SGO2: variants seen among roughly 807,000 people sequenced by gnomAD.
The protein encoded by SGO2 is shugoshin-like 2.
SGO2 carries 68 observed loss-of-function variants against 99.5 expected under a neutral mutation model. That is an observed-to-expected ratio of 0.68 (90% CI 0.56 to 0.84). SGO2 has a LOEUF of 0.84. SGO2 is among the 40% of genes least tolerant of loss of function. The pLI is 0.00. For synonymous variants in SGO2, 457 were observed against 487.1 expected, an observed-to-expected ratio of 0.94 and a Z score of 0.81; for missense variants, 1,350 against 1,436.7, an observed-to-expected ratio of 0.94 and a Z score of 0.97.
chr2:200,540,576 G>A (rs2031917443), intron 4 of SGO2, among the ~76,000 whole-genome samples: 1 of 152,188 alleles, frequency 6.6e-6, no homozygotes, highest in African/African-American at 2.4e-5. Flanking sequence ...AAGGGGGGAG[G>A]TTGTTACTAC....
At position 200,572,270 on chromosome 2, in the gene SGO2, A is replaced by C; in HGVS notation, c.1924A>C (p.Lys642Gln). The change falls in exon 7 of 9, where the codon AAA becomes CAA. Residue 642 changes from lysine (K) to glutamine (Q), a missense_variant. Physicochemically the swap from Lys to Gln is moderately conservative, Grantham distance 53. Coordinates refer to ENST00000357799, the MANE Select transcript of SGO2 (RefSeq NM_152524.6). Reference protein sequence around the residue: ...DNDKDVVHGLKKGNFFFKTQE... With the variant: ...DNDKDVVHGLQKGNFFFKTQE... ...TGATAAAGATGTGGTGCATGGCCTA[A>C]AAAAAGGTAATTTTTTTTTCAAAAC... The C allele has an allele frequency of 6.2e-7, 1 of 1,610,920 alleles. No individual in the cohort carries two copies. Among genetic ancestry groups the C allele is most frequent in the East Asian group, 2.2e-5 (1 of 44,836 alleles).
At chr2:200,534,689 G>T (rs931828491) in intron 2 of SGO2, among the ~76,000 whole-genome samples, 1 of 152,144 alleles carries the variant, frequency 6.6e-6, no homozygotes, top group Non-Finnish European at 1.5e-5. Context: ...CAAGTATCAA[G>T]ATTTAATTTT....
chr2:200,572,875 T>C lies in SGO2; in HGVS notation c.2529T>C (p.Ser843=), dbSNP rs760146513. The part of the protein sequence containing the change: ...VHDLEKDNFF[S]LTPKDKETIS... ...ACCTAGAAAAAGATAACTTCTTCTCTCTAACCCCAAAGGATAAAGAAACAA... is the reference window on the plus strand; with the variant it reads ...ACCTAGAAAAAGATAACTTCTTCTCCCTAACCCCAAAGGATAAAGAAACAA... Residue 843 remains serine, a synonymous_variant, in exon 7 of 9, where the codon TCT becomes TCC. Coordinates refer to ENST00000357799, the MANE Select transcript of SGO2 (RefSeq NM_152524.6). 40 of 1,595,398 alleles carry C rather than the reference T, an allele frequency of 2.5e-5. No homozygotes were observed. The East Asian group carries it at 8.7e-4, about 35-fold the overall frequency.
intron 8 of SGO2, among the ~76,000 whole-genome samples, chr2:200,581,589 C>T (rs751730278): frequency 4.6e-5 from 7 of 152,114 alleles, no homozygotes; most frequent in Non-Finnish European, 7.4e-5. Flanking sequence ...CTATGATGAT[C>T]ATTCCATAAT....
chr2:200,556,467 T>G (rs2032724000), intron 5 of SGO2, among the ~76,000 whole-genome samples: 1 of 152,166 alleles, frequency 6.6e-6, no homozygotes, highest in African/African-American at 2.4e-5. Flanking sequence ...TACATGATAT[T>G]TTCAAGGAGG....
chr2:200,574,897 G>A (rs2033594876), intron 7 of SGO2, among the ~76,000 whole-genome samples: 2 of 150,310 alleles, frequency 1.3e-5, no homozygotes, highest in South Asian at 2.1e-4. Context: ...GATCCCTAAG[G>A]TTTTGGCGGG....
At chr2:200,567,351 T>C (rs1403796823) in intron 5 of SGO2, among the ~76,000 whole-genome samples, 1 of 152,246 alleles carries the variant, frequency 6.6e-6, no homozygotes, top group Non-Finnish European at 1.5e-5. Flanking sequence ...TTTGGCTTCA[T>C]TGATTTTATT....
At position 200,565,912 on chromosome 2, in the gene SGO2, A is replaced by T. The variant is rs563219679; in HGVS notation, c.474-3751A>T. On this transcript the variant is annotated intron_variant, in intron 5 of 8. Transcript: ENST00000357799. Reference sequence around the variant, plus strand: ...TTCTCATGCCATGGTTTTCAGCTCCATCAGGTCATTTAAGGTCTTCTCTAT... The same window carrying T: ...TTCTCATGCCATGGTTTTCAGCTCCTTCAGGTCATTTAAGGTCTTCTCTAT... Among the ~76,000 whole-genome samples the T allele has an allele frequency of 5.3e-5, 8 of 152,324 alleles. No homozygotes were observed. The East Asian group carries it at 1.5e-3, about 29-fold the overall frequency.
chr2:200,578,592 A>T (rs1273495071), intron 8 of SGO2, among the ~76,000 whole-genome samples: 3 of 152,184 alleles, frequency 2.0e-5, no homozygotes, highest in Non-Finnish European at 4.4e-5. Context: ...CTTGTTGACT[A>T]GAGGCTGTCC....
rs2031485580 is a variant in SGO2, at chr2:200,532,940, A to G, written c.-2-34A>G. 4 of 1,589,056 alleles carry G rather than the reference A, an allele frequency of 2.5e-6. No homozygotes were observed. In the East Asian group the frequency reaches 9.0e-5, roughly 36 times the overall value. On this transcript the variant is annotated intron_variant, in intron 1 of 8. Coordinates refer to ENST00000357799, the MANE Select transcript of SGO2 (RefSeq NM_152524.6). ...ATCAGTTATACTTTTTCTTTTATTA[A>G]TCAATACTATGATTTTTTTTTCTTT...
chr2:200,572,485 G>C lies in SGO2; in HGVS notation c.2139G>C (p.Arg713Ser). 6.2e-7 allele frequency: 1 copy of C among 1,612,908 alleles called. No individual in the cohort carries two copies. Among genetic ancestry groups the C allele is most frequent in the African/African-American group, 1.3e-5 (1 of 74,938 alleles). ...QNESKVNKKL[R>S]QKVNRKTEII... ...AATCAAAAGTTAATAAGAAGCTTAG[G>C]CAGAAAGTAAATCGGAAGACAGAAA... Residue 713 changes from arginine (R) to serine (S), a missense_variant, in exon 7 of 9, where the codon AGG (arginine) becomes AGC (serine). By Grantham distance (110) the Arg-to-Ser change is moderately radical. Transcript: ENST00000357799.
rs947338709 is a variant in SGO2, at chr2:200,526,376, C to T, written c.-3+124C>T. 2.0e-5 allele frequency: 3 copies of T among 152,446 alleles called. No homozygotes were observed. The East Asian group carries it at 5.8e-4, about 29-fold the overall frequency. The allele number at this position is 152,446 out of a possible 1,614,324, so 9.4% of individuals were successfully genotyped here. A position where few individuals can be genotyped will look rare whatever the true frequency, so the allele number is the denominator to read the frequency against. On this transcript the variant is annotated intron_variant, in intron 1 of 8. Transcript: ENST00000357799. This position sits in a 1 kb window ranked among gnomAD's most constrained non-coding sequence, Gnocchi z 4.8. ...TCCGGCTCGTCTTCCGCCCTCTGTCCTCCGGGATCCGGGACGGCGGCCCCT... is the reference window on the plus strand; with the variant it reads ...TCCGGCTCGTCTTCCGCCCTCTGTCTTCCGGGATCCGGGACGGCGGCCCCT...
chr2:200,527,077 G>C lies in SGO2; in HGVS notation c.-3+825G>C, dbSNP rs537278553. Among the ~76,000 whole-genome samples, 3 of 152,292 alleles carry C rather than the reference G, an allele frequency of 2.0e-5. No homozygotes were observed. In the East Asian group the frequency reaches 5.8e-4, roughly 29 times the overall value. On this transcript the variant is annotated intron_variant, in intron 1 of 8. Transcript: ENST00000357799. Reference sequence around the variant, plus strand: ...TTGTAATCACTATCATAATGTCTCAGTGTCTATATGGTAAATCACCCTGGA... The same window carrying C: ...TTGTAATCACTATCATAATGTCTCACTGTCTATATGGTAAATCACCCTGGA...
intron 5 of SGO2, chr2:200,543,153 A>G (rs1234910759): frequency 6.6e-6 from 1 of 152,180 alleles, no homozygotes; most frequent in African/African-American, 2.4e-5. Flanking sequence ...AAATACAAAA[A>G]ATTAGCCGGG....
intron 8 of SGO2, among the ~76,000 whole-genome samples, chr2:200,577,941 A>C (rs569756520): frequency 8.3e-4 from 127 of 152,230 alleles, no homozygotes; most frequent in African/African-American, 3.0e-3. Flanking sequence ...GTGAAGTCAC[A>C]ATCTTTTCCT....
At chr2:200,575,241 T>C in intron 7 of SGO2, 70 bp from the exon 8 acceptor site, 1 of 958,216 alleles carries the variant, frequency 1.0e-6, no homozygotes, top group Non-Finnish European at 1.5e-6. Context: ...CAGACCACTA[T>C]ATAGCTCATA....
chr2:200,533,166 TA>T, intron 2 of SGO2, 58 bp downstream of exon 2: 1 of 1,468,662 alleles, frequency 6.8e-7, no homozygotes, highest in East Asian at 2.4e-5. Context: ...AGAATTGTTA[TA>T]TATTTGCTAC....
At chr2:200,528,727 A>G (rs2031224337) in intron 1 of SGO2, among the ~76,000 whole-genome samples, 1 of 152,186 alleles carries the variant, frequency 6.6e-6, no homozygotes, top group African/African-American at 2.4e-5. Flanking sequence ...TCCAGGGAGT[A>G]TATGTAAATA....
At chr2:200,528,147 G>A (rs534923313) in intron 1 of SGO2, among the ~76,000 whole-genome samples, 1 of 152,348 alleles carries the variant, frequency 6.6e-6, no homozygotes, top group East Asian at 1.9e-4. Flanking sequence ...GTGTCAAATT[G>A]TATAGTACTT....
Sources: gnomAD v4.1 joint callset for allele counts (sites outside exome capture counted in the v4.1 genomes callset) on GRCh38, gnomAD v4.1.1 for gene constraint, Gnocchi (gnomAD v3.1) non-coding constraint, MANE v1.5 for transcripts, NCBI Gene and HGNC (gene_info 2026-07-23, HGNC 2026-07-21) for gene names.